The following PDE11A variants were observed in gnomAD, a reference collection of about 807,000 sequenced individuals.
The protein encoded by PDE11A is dual 3',5'-cyclic-AMP and -GMP phosphodiesterase 11A.
A neutral mutation model predicts 100.5 loss-of-function variants in PDE11A; 100 were observed. That is an observed-to-expected ratio of 1.00 (90% CI 0.85 to 1.18). PDE11A has a LOEUF of 1.18. Among genes scored for constraint, PDE11A ranks in the 50% most tolerant of loss-of-function variants. PDE11A has a pLI of 0.00. For missense variants in PDE11A, 1,141 were observed against 1,152.6 expected, an observed-to-expected ratio of 0.99 and a Z score of 0.15; for synonymous variants, 381 against 420.8, an observed-to-expected ratio of 0.91 and a Z score of 1.16.
At chr2:177,932,467 T>C (rs370332716) in intron 2 of PDE11A, among the ~76,000 whole-genome samples, 2 of 152,190 alleles carry the variant, frequency 1.3e-5, no homozygotes, top group African/African-American at 4.8e-5. Context: ...TAATTTACCA[T>C]AATCAAGTAG....
chr2:178,075,455 A>G (rs1574385806), upstream of PDE11A, among the ~76,000 whole-genome samples: 2 of 150,906 alleles, frequency 1.3e-5, no homozygotes, highest in East Asian at 3.9e-4. Flanking sequence ...AGGAGGCTGA[A>G]GCAGGAGAAT....
At chr2:177,869,476 G>A (rs527855258) in intron 5 of PDE11A, among the ~76,000 whole-genome samples, 2 of 152,258 alleles carry the variant, frequency 1.3e-5, no homozygotes, top group Non-Finnish European at 2.9e-5. Context: ...ACATGTCTCC[G>A]ACTTTTCCCT....
chr2:177,726,666 T>TTTG (rs2081604238), intron 12 of PDE11A, among the ~76,000 whole-genome samples: 1 of 151,366 alleles, frequency 6.6e-6, no homozygotes, highest in African/African-American at 2.4e-5. Flanking sequence ...CAGAGTTTTT[T>TTTG]TTTTTTTTTT....
chr2:177,964,957 A>G (rs1375435375), intron 2 of PDE11A, among the ~76,000 whole-genome samples: 2 of 152,248 alleles, frequency 1.3e-5, no homozygotes, highest in African/African-American at 4.8e-5. Context: ...ACTGCTTTCC[A>G]TAATGGCTGA....
intron 10 of PDE11A, among the ~76,000 whole-genome samples, chr2:177,763,361 G>A (rs928715403): frequency 6.6e-6 from 1 of 152,186 alleles, no homozygotes; most frequent in Non-Finnish European, 1.5e-5. Flanking sequence ...CTTCTATATA[G>A]CTTCGAGGTA....
rs2079935053 is a variant in PDE11A, at chr2:177,631,538, TATATATATACACA to T, written c.2647-1989_2647-1977del. ...ATATATATATATATATATATATATA[TATATATATACACA>T]TGTATATATATATATATACATGTAT... is the stretch of plus-strand genomic sequence containing the variant. On this transcript the variant is annotated intron_variant, in intron 19 of 19. Coordinates refer to ENST00000286063, the MANE Select transcript of PDE11A (RefSeq NM_016953.4). Among the ~76,000 whole-genome samples, 2 of 20,512 alleles carry T rather than the reference TATATATATACACA, an allele frequency of 9.8e-5. 1 individual carries two copies. The highest frequency in any genetic ancestry group is 1.9e-4 in the Non-Finnish European group (2 of 10,688). The allele number at this position is 20,512 out of a possible 152,430, so 13.5% of individuals were successfully genotyped here. A position where few individuals can be genotyped will look rare whatever the true frequency, so the allele number is the denominator to read the frequency against.
At chr2:177,952,077 T>C (rs1435575) in intron 2 of PDE11A, among the ~76,000 whole-genome samples, 101,496 of 152,010 alleles carry the variant, frequency 0.67, 35,512 homozygotes, top group African/African-American at 0.87. Context: ...CACTTCTCAC[T>C]ACCTAAACTT....
Position 177,867,032 on chromosome 2 carries a change from G to A in PDE11A, c.1367+8827C>T, listed in dbSNP as rs76819580. ...CTTAAAAGAATAGATAAGAATATAGGTGCATAGTAAAGGTAAGTATAGTTT... is the reference window on the plus strand; with the variant it reads ...CTTAAAAGAATAGATAAGAATATAGATGCATAGTAAAGGTAAGTATAGTTT... On this transcript the variant is annotated intron_variant, in intron 5 of 19. Coordinates refer to ENST00000286063, the MANE Select transcript of PDE11A (RefSeq NM_016953.4). 7.3e-3 allele frequency among the ~76,000 whole-genome samples: 1,106 copies of A among 152,284 alleles called. 13 individuals are homozygous for A. Among genetic ancestry groups the A allele is most frequent in the African/African-American group, 0.025 (1,030 of 41,558 alleles).
chr2:177,910,157 T>C (rs1265228741), intron 2 of PDE11A, among the ~76,000 whole-genome samples: 2 of 152,176 alleles, frequency 1.3e-5, no homozygotes, highest in Non-Finnish European at 2.9e-5. Context: ...TTTGTTAATG[T>C]AGGAAATGTT....
chr2:178,106,031 A>T (rs1422486840), intron 1 of PDE11A, among the ~76,000 whole-genome samples: 1 of 152,186 alleles, frequency 6.6e-6, no homozygotes, highest in Admixed American at 6.5e-5. Flanking sequence ...TTGAGAGTAG[A>T]GTCCTAAGCA....
At chr2:177,753,664 A>C (rs16865752) in intron 10 of PDE11A, among the ~76,000 whole-genome samples, 8 of 151,768 alleles carry the variant, frequency 5.3e-5, no homozygotes, top group African/African-American at 1.9e-4. Context: ...CCTATATGGC[A>C]TGTTAGTCCT....
intron 2 of PDE11A, chr2:177,997,583 C>T: frequency 1.1e-6 from 1 of 918,344 alleles, no homozygotes; most frequent in Non-Finnish European, 1.8e-6. Flanking sequence ...ACCTGTTTCA[C>T]CTGGAGAGCT....
chr2:177,894,198 T>G (rs2084574475), intron 4 of PDE11A, among the ~76,000 whole-genome samples: 1 of 152,182 alleles, frequency 6.6e-6, no homozygotes, highest in African/African-American at 2.4e-5. Context: ...CCTACAAGCC[T>G]AAAGGTTTGA....
At chr2:177,972,636 G>A (rs2085786206) in intron 2 of PDE11A, among the ~76,000 whole-genome samples, 1 of 151,924 alleles carries the variant, frequency 6.6e-6, no homozygotes, top group Non-Finnish European at 1.5e-5. Context: ...AGAAAAAGCT[G>A]AAAGAAAAAA....
At chr2:178,020,924 G>GGGT (rs1491389840) in intron 1 of PDE11A, among the ~76,000 whole-genome samples, 2 of 125,740 alleles carry the variant, frequency 1.6e-5, no homozygotes, top group Non-Finnish European at 3.4e-5. Context: ...TTTTTGTCTT[G>GGGT]GTGTGTGTGT....
At chr2:177,730,546 T>C (rs774683748) in intron 10 of PDE11A, among the ~76,000 whole-genome samples, 1 of 151,932 alleles carries the variant, frequency 6.6e-6, no homozygotes, top group Non-Finnish European at 1.5e-5. Context: ...TCATTTCTCA[T>C]ATTTTTTCTT....
At chr2:178,089,614 C>G (rs2087397082) in intron 2 of PDE11A, among the ~76,000 whole-genome samples, 1 of 152,178 alleles carries the variant, frequency 6.6e-6, no homozygotes. Context: ...TAAAACTGCA[C>G]TAAGTGGATC....
intron 10 of PDE11A, among the ~76,000 whole-genome samples, chr2:177,764,659 T>C (rs1179383605): frequency 6.6e-6 from 1 of 152,264 alleles, no homozygotes; most frequent in East Asian, 1.9e-4. Flanking sequence ...ACATTATTCC[T>C]GTTAGCACAG....
chr2:177,783,241 G>C (rs1294444527), intron 9 of PDE11A, among the ~76,000 whole-genome samples: 1 of 152,158 alleles, frequency 6.6e-6, no homozygotes, highest in Non-Finnish European at 1.5e-5. Context: ...AAGAGGGCTT[G>C]TCAAGGATTT....
Sources: gnomAD v4.1 joint callset for allele counts (sites outside exome capture counted in the v4.1 genomes callset) on GRCh38, gnomAD v4.1.1 for gene constraint, MANE v1.5 for transcripts, NCBI Gene and HGNC (gene_info 2026-07-23, HGNC 2026-07-21) for gene names.